The following ECE1 variants were observed in gnomAD, a reference collection of about 807,000 sequenced individuals.
ECE1 encodes endothelin-converting enzyme 1.
A neutral mutation model predicts 98.6 loss-of-function variants in ECE1; 35 were observed. That is an observed-to-expected ratio of 0.35 (90% CI 0.27 to 0.47). The LOEUF (loss-of-function observed/expected upper bound fraction) is 0.47, where lower values mean the gene tolerates loss of function less well. Ranked by LOEUF, ECE1 falls within the 20% of genes least tolerant of loss-of-function variation. ECE1 has a pLI of 1.00. For synonymous variants in ECE1, 394 were observed against 407.1 expected (o/e 0.97, Z 0.39); for missense variants, 814 against 1,025.3 (o/e 0.79, Z 2.81).
chr1:21,272,395 G>A (rs2098241264), intron 4 of ECE1, among the ~76,000 whole-genome samples: 1 of 152,156 alleles, frequency 6.6e-6, no homozygotes, highest in African/African-American at 2.4e-5. Flanking sequence ...AGTTTCAAGC[G>A]ATTCTCCTGC....
At chr1:21,271,527 T>C (rs909629503) in intron 4 of ECE1, among the ~76,000 whole-genome samples, 6 of 152,102 alleles carry the variant, frequency 3.9e-5, no homozygotes, top group African/African-American at 1.4e-4. Flanking sequence ...TGACTGACTT[T>C]TCAGAATGCA....
At chr1:21,286,310 A>G (rs2098260477) in intron 2 of ECE1, among the ~76,000 whole-genome samples, 1 of 152,228 alleles carries the variant, frequency 6.6e-6, no homozygotes, top group African/African-American at 2.4e-5. Context: ...ATTTAGATGT[A>G]TATTATTATA....
intron 2 of ECE1, among the ~76,000 whole-genome samples, chr1:21,285,837 C>G (rs1005090465): frequency 1.3e-5 from 2 of 151,648 alleles, no homozygotes; most frequent in Non-Finnish European, 2.9e-5. Context: ...ACTAAAAATA[C>G]AAAAATTAGT....
rs779139549 is a variant in ECE1 at position 21,238,094 on chromosome 1, G to A, written c.1389+40C>T. ...GGCAGGTCTGTGCAGGCCACAACAA[G>A]TGTGACCTCACAGCCTGTGTCCACG... On this transcript the variant is annotated intron_variant, in intron 11 of 18. Transcript: ENST00000374893. 4 of 1,563,194 alleles carry A rather than the reference G, an allele frequency of 2.6e-6. No homozygotes were observed. In the East Asian group the frequency reaches 6.7e-5, roughly 26 times the overall value.
In ECE1 at chr1:21,258,934, G is replaced by A; in HGVS notation, c.616-95C>T. ...GCCGCTGACTTGCTCTGTGACCCTG[G>A]AGCAGTCGCCTGACCTCTCTGAGCC... On this transcript the variant is annotated intron_variant, in intron 5 of 18. Transcript: ENST00000374893. This position sits in a 1 kb window ranked among gnomAD's most constrained non-coding sequence, Gnocchi z 4.2. The A allele has an allele frequency of 6.5e-7, 1 of 1,537,592 alleles. No homozygotes were observed. Among genetic ancestry groups the A allele is most frequent in the Non-Finnish European group, 8.8e-7 (1 of 1,131,588 alleles).
At chr1:21,304,628 C>T (rs2103382615) in intron 1 of ECE1, among the ~76,000 whole-genome samples, 1 of 152,312 alleles carries the variant, frequency 6.6e-6, no homozygotes, top group South Asian at 2.1e-4. Context: ...CGACAGACAT[C>T]AGAACAGCAG....
chr1:21,225,404 C>T lies in ECE1; in HGVS notation c.1886G>A (p.Trp629Ter), dbSNP rs1228447005. The change falls in exon 17 of 19, where the codon TGG becomes TAG. Residue 629 changes from tryptophan to a stop codon, truncating the protein, a stop_gained. Coordinates refer to ENST00000374893, the MANE Select transcript of ECE1 (RefSeq NM_001397.3). LOFTEE classifies it high-confidence loss of function. The surrounding 1 kb of genome is among the most constrained non-coding windows in gnomAD (Gnocchi z 5.3). ...EYDKDGNLRPWWKNSSVEAFK... is the reference protein window; with the variant it reads ...EYDKDGNLRP Reference sequence around the variant, plus strand: ...GGCCTCCACGGATGAGTTCTTCCACCATGGCCGGAGGTTCCCGTCCTTGTC... The same window carrying T: ...GGCCTCCACGGATGAGTTCTTCCACTATGGCCGGAGGTTCCCGTCCTTGTC... 6.2e-7 allele frequency: 1 copy of T among 1,614,218 alleles called. No individual in the cohort carries two copies. Among genetic ancestry groups the T allele is most frequent in the Non-Finnish European group, 8.5e-7 (1 of 1,180,032 alleles).
intron 4 of ECE1, among the ~76,000 whole-genome samples, chr1:21,261,213 C>T (rs1245592468): frequency 2.0e-5 from 3 of 152,232 alleles, no homozygotes; most frequent in African/African-American, 7.2e-5. Flanking sequence ...TCAATTCCAT[C>T]TGTCCCTCTT....
At chr1:21,239,369 G>A (rs1326529192) in intron 10 of ECE1, among the ~76,000 whole-genome samples, 3 of 152,182 alleles carry the variant, frequency 2.0e-5, no homozygotes, top group Non-Finnish European at 4.4e-5. Flanking sequence ...TCCCTCGTAC[G>A]ACAGAGGAAG....
chr1:21,282,937 ATTTT>A (rs536420247), intron 2 of ECE1, among the ~76,000 whole-genome samples: 3 of 104,514 alleles, frequency 2.9e-5, no homozygotes, highest in Admixed American at 1.1e-4. Flanking sequence ...TCACAACATT[ATTTT>A]TTTTTTTTTT....
At chr1:21,229,854 G>A (rs1267531562) in intron 14 of ECE1, among the ~76,000 whole-genome samples, 2 of 152,082 alleles carry the variant, frequency 1.3e-5, no homozygotes, top group Non-Finnish European at 2.9e-5. Context: ...ACAGACCAAT[G>A]GAATTTAGTG....
rs2098219457 is a variant in ECE1 at position 21,256,011 on chromosome 1, A to G, written c.956T>C (p.Ile319Thr). Residue 319 changes from isoleucine (I) to threonine (T), a missense_variant, in exon 8 of 19, where the codon ATC (isoleucine) becomes ACC (threonine). Around this residue, in one of 3 missense-constraint regions of ECE1, gnomAD observed 105 missense variants for 179.1 expected, o/e 0.59. Coordinates refer to ENST00000374893, the MANE Select transcript of ECE1 (RefSeq NM_001397.3). ...CTCATCACGGCGCTTCTCCTGTGGGATGGTGATGTTGGCCAGTGCCGTCTC... is the reference window on the plus strand; with the variant it reads ...CTCATCACGGCGCTTCTCCTGTGGGGTGGTGATGTTGGCCAGTGCCGTCTC... ...DFETALANIT[I>T]PQEKRRDEEL... 1 of 1,613,876 alleles carries G rather than the reference A, an allele frequency of 6.2e-7. No homozygotes were observed. The highest frequency in any genetic ancestry group is 8.5e-7 in the Non-Finnish European group (1 of 1,179,872).
chr1:21,291,387 A>G (rs1301545321), upstream of ECE1, among the ~76,000 whole-genome samples: 2 of 152,190 alleles, frequency 1.3e-5, no homozygotes, highest in African/African-American at 2.4e-5. Flanking sequence ...ACAGTCACAC[A>G]TATGTGTGAA....
At chr1:21,306,482 G>A (rs542639096) in intron 1 of ECE1, among the ~76,000 whole-genome samples, 3 of 152,104 alleles carry the variant, frequency 2.0e-5, no homozygotes, top group East Asian at 3.9e-4. Flanking sequence ...GATTACAGGT[G>A]CCCACCACCA....
chr1:21,222,993 T>C (rs576222570), intron 17 of ECE1, among the ~76,000 whole-genome samples: 4 of 152,154 alleles, frequency 2.6e-5, no homozygotes, highest in East Asian at 1.9e-4. Context: ...TTGTTTTTTT[T>C]GGAGACAGGG....
intron 1 of ECE1, among the ~76,000 whole-genome samples, chr1:21,304,658 T>A (rs1415128546): frequency 1.3e-5 from 2 of 152,178 alleles, no homozygotes; most frequent in African/African-American, 4.8e-5. Flanking sequence ...AGGATGAGAC[T>A]TACTGGAAGG....
At chr1:21,227,497 T>C (rs1398455964) in intron 15 of ECE1, among the ~76,000 whole-genome samples, 1 of 152,210 alleles carries the variant, frequency 6.6e-6, no homozygotes, top group Non-Finnish European at 1.5e-5. Context: ...CTTCAGTCAT[T>C]GCGAAAGCGT....
chr1:21,268,729 C>T lies in ECE1; in HGVS notation c.493+3970G>A, dbSNP rs375063278. Among the ~76,000 whole-genome samples the T allele has an allele frequency of 1.2e-4, 19 of 152,340 alleles. 1 individual carries two copies. Among genetic ancestry groups the T allele is most frequent in the East Asian group, 7.7e-4 (4 of 5,180 alleles). On this transcript the variant is annotated intron_variant, in intron 4 of 18. Transcript: ENST00000374893. ...GTGCCCATCAGCTCTGGCTCCCTTC[C>T]GACGCCTGTTGGCTGACCCCTTTGT...
chr1:21,228,033 A>G lies in ECE1; in HGVS notation c.1679T>C (p.Met560Thr). The change falls in exon 15 of 19, where the codon ATG becomes ACG. Residue 560 changes from methionine to threonine, a missense_variant. Around this residue, in one of 3 missense-constraint regions of ECE1, gnomAD observed 452 missense variants for 567.3 expected, o/e 0.80. Coordinates refer to ENST00000374893, the MANE Select transcript of ECE1 (RefSeq NM_001397.3). ...RKAPNRDQWS[M>T]TPPMVNAYYS... ...GTAGGCGTTCACCATGGGCGGGGTCATGCTCCACCTGCAAGCAACACACAT... is the reference window on the plus strand; with the variant it reads ...GTAGGCGTTCACCATGGGCGGGGTCGTGCTCCACCTGCAAGCAACACACAT... The G allele has an allele frequency of 6.4e-7, 1 of 1,560,988 alleles. No homozygotes were observed. The highest frequency in any genetic ancestry group is 8.7e-7 in the Non-Finnish European group (1 of 1,152,008).
Sources: gnomAD v4.1 joint callset for allele counts (sites outside exome capture counted in the v4.1 genomes callset) on GRCh38, gnomAD v4.1.1 for gene constraint, gnomAD v4.1.1 regional missense constraint, Gnocchi (gnomAD v3.1) non-coding constraint, MANE v1.5 for transcripts, NCBI Gene and HGNC (gene_info 2026-07-23, HGNC 2026-07-21) for gene names.